The following GRIK2 variants were observed in gnomAD, a reference collection of about 807,000 sequenced individuals.
GRIK2 encodes the protein glutamate receptor ionotropic, kainate 2.
Under a neutral mutation model 100.3 loss-of-function variants are expected in GRIK2, and 32 were observed. The observed-to-expected ratio is 0.32, with a 90% CI of 0.24 to 0.43. The LOEUF (loss-of-function observed/expected upper bound fraction) is 0.43. GRIK2 is among the 20% of genes least tolerant of loss of function. The pLI, the probability that GRIK2 is intolerant of heterozygous loss-of-function variation, is 1.00. For synonymous variants in GRIK2, 417 were observed against 389.4 expected, an observed-to-expected ratio of 1.07 and a Z score of -0.83; for missense variants, 843 against 1,114.9, an observed-to-expected ratio of 0.76 and a Z score of 3.47.
chr6:101,552,886 T>C (rs1776575368), intron 2 of GRIK2, among the ~76,000 whole-genome samples: 1 of 152,156 alleles, frequency 6.6e-6, no homozygotes, highest in Non-Finnish European at 1.5e-5. Context: ...TAAAAAACAC[T>C]CTATGTCTGA....
At chr6:101,610,954 G>A (rs1207282065) in intron 2 of GRIK2, among the ~76,000 whole-genome samples, 1 of 151,472 alleles carries the variant, frequency 6.6e-6, no homozygotes, top group Non-Finnish European at 1.5e-5. Context: ...CAGTATGCAG[G>A]CCCTCTTGGT....
intron 16 of GRIK2, among the ~76,000 whole-genome samples, chr6:102,056,647 G>A (rs1410150413): frequency 1.3e-5 from 2 of 151,800 alleles, no homozygotes; most frequent in Non-Finnish European, 1.5e-5. Flanking sequence ...ATGCCATACA[G>A]GAATACCAGG....
At chr6:101,438,293 GT>G (rs545092025) in intron 2 of GRIK2, among the ~76,000 whole-genome samples, 188 of 151,494 alleles carry the variant, frequency 1.2e-3, no homozygotes, top group Non-Finnish European at 2.2e-3. Context: ...ATTTGTTGTT[GT>G]TTTTTTTGTC....
In GRIK2 at chr6:101,905,415, G is replaced by A. The variant is rs1403835452; in HGVS notation, c.1748+15552G>A. 2.0e-5 allele frequency among the ~76,000 whole-genome samples: 3 copies of A among 151,514 alleles called. No homozygotes were observed. The Admixed American group carries it at 2.0e-4, about 10-fold the overall frequency. On this transcript the variant is annotated intron_variant, in intron 12 of 16. Transcript: ENST00000369134. ...TTTTAGCTTACTCCAAATAAAATAT[G>A]TCGTTAGACAAAAGCTTCATAAATA...
At chr6:101,818,259 G>A in intron 9 of GRIK2, 111 bp from the exon 10 acceptor site, 1 of 632,254 alleles carries the variant, frequency 1.6e-6, no homozygotes, top group Non-Finnish European at 2.8e-6. Flanking sequence ...AACGGCAGCA[G>A]ACAATGCAGC....
In GRIK2 at chr6:101,833,807, G is replaced by GCTCAATAT. The variant is rs574998911; in HGVS notation, c.1317+15324_1317+15325insCTCAATAT. On this transcript the variant is annotated intron_variant, in intron 10 of 16. Transcript: ENST00000369134. ...ATTTTGTTTGCTCTATTATATTTAG[G>GCTCAATAT]TATATTCACTAGTGACTGCTCAATA... 1.3e-3 allele frequency among the ~76,000 whole-genome samples: 193 copies of GCTCAATAT among 151,932 alleles called. 1 individual carries two copies. Among genetic ancestry groups the GCTCAATAT allele is most frequent in the African/African-American group, 4.3e-3 (180 of 41,466 alleles).
At chr6:101,999,132 T>C (rs1183779599) in intron 14 of GRIK2, among the ~76,000 whole-genome samples, 1 of 152,128 alleles carries the variant, frequency 6.6e-6, no homozygotes, top group African/African-American at 2.4e-5. Flanking sequence ...CACTGTCTTG[T>C]TGACTGTAGG....
At chr6:101,996,945 C>T (rs370909290) in intron 14 of GRIK2, among the ~76,000 whole-genome samples, 5 of 152,214 alleles carry the variant, frequency 3.3e-5, no homozygotes, top group East Asian at 1.9e-4. Flanking sequence ...ATATTACTTT[C>T]AGTTATGTTG....
At chr6:101,580,980 A>C (rs958714040) in intron 2 of GRIK2, among the ~76,000 whole-genome samples, 1 of 151,954 alleles carries the variant, frequency 6.6e-6, no homozygotes, top group African/African-American at 2.4e-5. Flanking sequence ...CCATAACAAT[A>C]ATTACCCTCT....
At chr6:101,585,357 A>G (rs970739385) in intron 2 of GRIK2, among the ~76,000 whole-genome samples, 4 of 152,120 alleles carry the variant, frequency 2.6e-5, no homozygotes, top group African/African-American at 9.7e-5. Context: ...CAAGAATGTT[A>G]GTCCACTGGT....
At chr6:101,942,948 G>A (rs117485251) in intron 14 of GRIK2, among the ~76,000 whole-genome samples, 1,585 of 152,304 alleles carry the variant, frequency 0.01, 9 homozygotes, top group Non-Finnish European at 0.017. Context: ...AAGATAATAA[G>A]GAAAATGTCT....
intron 9 of GRIK2, among the ~76,000 whole-genome samples, chr6:101,817,469 C>G (rs1438814203): frequency 6.6e-6 from 1 of 152,108 alleles, no homozygotes; most frequent in Non-Finnish European, 1.5e-5. Context: ...TTGATTACTC[C>G]TGGGTATGAG....
rs146119913 is a variant in GRIK2, at chr6:101,784,030, A to G, written c.952-15618A>G. Among the ~76,000 whole-genome samples the G allele has an allele frequency of 4.1e-3, 620 of 152,362 alleles. 3 individuals are homozygous for G. The highest frequency in any genetic ancestry group is 6.9e-3 in the Non-Finnish European group (467 of 68,026). The stretch of plus-strand genomic sequence containing the variant: ...GCAACTTGACCATGTGGTAGAAAAG[A>G]AAAACCCGTCTTCTGGGGAGGAATT... On this transcript the variant is annotated intron_variant, in intron 7 of 16. Coordinates refer to ENST00000369134, the MANE Select transcript of GRIK2 (RefSeq NM_021956.5).
chr6:102,066,776 G>C (rs1190085247), intron 16 of GRIK2, among the ~76,000 whole-genome samples: 1 of 151,684 alleles, frequency 6.6e-6, no homozygotes, highest in African/African-American at 2.4e-5. Context: ...TCCTAAAGGA[G>C]AAAATGCTAT....
chr6:101,686,469 AG>A, intron 7 of GRIK2, 116 bp downstream of exon 7: 1 of 700,674 alleles, frequency 1.4e-6, no homozygotes, highest in Non-Finnish European at 2.4e-6. Flanking sequence ...TGACATTAAA[AG>A]CAAAATATCA....
chr6:101,405,782 A>G (rs1405561286), intron 2 of GRIK2, among the ~76,000 whole-genome samples: 1 of 152,110 alleles, frequency 6.6e-6, no homozygotes, highest in Non-Finnish European at 1.5e-5. Flanking sequence ...CACATATGAG[A>G]TTATTCACTC....
chr6:101,953,625 G>T (rs540028811), intron 14 of GRIK2, among the ~76,000 whole-genome samples: 15 of 152,220 alleles, frequency 9.9e-5, no homozygotes, highest in Non-Finnish European at 1.8e-4. Context: ...TCATTGAATT[G>T]TAAGAGTATT....
chr6:101,906,404 TG>T (rs1291731113), intron 12 of GRIK2, among the ~76,000 whole-genome samples: 1 of 68,142 alleles, frequency 1.5e-5, no homozygotes, highest in Non-Finnish European at 3.3e-5. Context: ...GTTTAAACCT[TG>T]GGATAAAGAC....
chr6:101,765,696 C>T (rs1778004874), intron 7 of GRIK2, among the ~76,000 whole-genome samples: 1 of 152,034 alleles, frequency 6.6e-6, no homozygotes, highest in South Asian at 2.1e-4. Flanking sequence ...CTTATGAAAC[C>T]AATGCCTCTC....
Sources: gnomAD v4.1 joint callset for allele counts (sites outside exome capture counted in the v4.1 genomes callset) on GRCh38, gnomAD v4.1.1 for gene constraint, MANE v1.5 for transcripts, NCBI Gene and HGNC (gene_info 2026-07-23, HGNC 2026-07-21) for gene names.